The following CHRNB1 variants were observed in gnomAD, a reference collection of about 807,000 sequenced individuals.
CHRNB1 encodes acetylcholine receptor subunit beta.
Under a neutral mutation model 53.8 loss-of-function variants are expected in CHRNB1, and 47 were observed. The ratio of observed to expected loss-of-function variants is 0.87; its 90% CI spans 0.69 to 1.11. The LOEUF is 1.11. Ranked by LOEUF, CHRNB1 falls within the 50% of genes most tolerant of loss-of-function variation. CHRNB1 has a pLI of 0.00. For missense variants in CHRNB1, 605 were observed against 654.9 expected (o/e 0.92, Z 0.83); for synonymous variants, 259 against 263.5 (o/e 0.98, Z 0.16).
chr17:7,451,136 G>T (rs1908867829), intron 7 of CHRNB1, among the ~76,000 whole-genome samples: 2 of 152,042 alleles, frequency 1.3e-5, no homozygotes, highest in South Asian at 4.2e-4. Context: ...GGAAGGCCCA[G>T]AACCACTGAT....
intron 6 of CHRNB1, 138 bp downstream of exon 6, chr17:7,447,788 A>G (rs542777445): frequency 1.4e-4 from 151 of 1,099,790 alleles, no homozygotes; most frequent in Non-Finnish European, 1.9e-4. Context: ...TTTTAAAAGT[A>G]TGGAAATTGC....
At chr17:7,448,515 C>A (rs1025983473) in intron 6 of CHRNB1, 64 bp from the exon 7 acceptor site, 9 of 1,526,506 alleles carry the variant, frequency 5.9e-6, no homozygotes, top group African/African-American at 5.5e-5. Context: ...GCAGAGCAAG[C>A]CATACCTGGC....
At position 7,446,905 on chromosome 17, in the gene CHRNB1, G is replaced by A; in HGVS notation, c.316G>A (p.Glu106Lys). 1 of 1,608,690 alleles carries A rather than the reference G, an allele frequency of 6.2e-7. No homozygotes were observed. ...CATCGATTCGCTCCGCATCACGGCGGAATCCGTGTGGCTCCCTGACGTGGT... is the reference window on the plus strand; with the variant it reads ...CATCGATTCGCTCCGCATCACGGCGAAATCCGTGTGGCTCCCTGACGTGGT... ...DGIDSLRITA[E>K]SVWLPDVVLL... Residue 106 changes from glutamate to lysine, a missense_variant, in exon 4 of 11, where the codon GAA becomes AAA. Glu to Lys is a moderately conservative substitution (Grantham distance 56, BLOSUM62 1). Coordinates refer to ENST00000306071, the MANE Select transcript of CHRNB1 (RefSeq NM_000747.3).
chr17:7,449,075 C>A (rs571323665), intron 7 of CHRNB1, among the ~76,000 whole-genome samples: 1 of 151,984 alleles, frequency 6.6e-6, no homozygotes, highest in South Asian at 2.1e-4. Context: ...ACATTCCCTG[C>A]CCACTTTCAG....
At position 7,445,982 on chromosome 17, in the gene CHRNB1, C is replaced by T; in HGVS notation, c.199-87C>T. 8.5e-7 allele frequency: 1 copy of T among 1,181,440 alleles called. No individual in the cohort carries two copies. The highest frequency in any genetic ancestry group is 1.3e-6 in the Non-Finnish European group (1 of 787,518). 73.2% of individuals were successfully genotyped at this position (1,181,440 alleles called of 1,614,324 possible). A position where few individuals can be genotyped will look rare whatever the true frequency, so the allele number is the denominator to read the frequency against. ...GATGGGGCTCAGAAAAAGGGGGCGG[C>T]GTTCCCAGGAGAGAGGTTGGCCCCC... On this transcript the variant is annotated intron_variant, in intron 2 of 10. Coordinates refer to ENST00000306071, the MANE Select transcript of CHRNB1 (RefSeq NM_000747.3). This position sits in a 1 kb window ranked among gnomAD's most constrained non-coding sequence, Gnocchi z 5.7.
intron 4 of CHRNB1, 27 bp downstream of exon 4, chr17:7,446,969 G>A (rs1284192719): frequency 1.9e-6 from 3 of 1,608,414 alleles, no homozygotes; most frequent in Non-Finnish European, 1.7e-6. Flanking sequence ...AGCCCGGGAG[G>A]TGGCGCGGGG....
Position 7,455,394 on chromosome 17 carries a change from G to C in CHRNB1, c.1155G>C (p.Arg385=), listed in dbSNP as rs985214726. 6.2e-7 allele frequency: 1 copy of C among 1,614,170 alleles called. No individual in the cohort carries two copies. The highest frequency in any genetic ancestry group is 8.5e-7 in the Non-Finnish European group (1 of 1,180,034). The change falls in exon 9 of 11, where the codon CGG becomes CGC. Residue 385 remains arginine (R), a synonymous_variant. Transcript: ENST00000306071. The part of the protein sequence containing the change: ...HCSSPGSGWG[R]GTDEYFIRKP... Reference sequence around the variant, plus strand: ...CTTCTCCAGGAAGTGGCTGGGGTCGGGGAACAGATGAATATTTCATCCGGA... The same window carrying C: ...CTTCTCCAGGAAGTGGCTGGGGTCGCGGAACAGATGAATATTTCATCCGGA...
At position 7,447,572 on chromosome 17, in the gene CHRNB1, G is replaced by C. The variant is rs1475474681; in HGVS notation, c.532G>C (p.Glu178Gln). 1.2e-6 allele frequency: 2 copies of C among 1,614,066 alleles called. No homozygotes were observed. Among genetic ancestry groups the C allele is most frequent in the Admixed American group, 3.3e-5 (2 of 60,004 alleles). The change falls in exon 6 of 11, where the codon GAG becomes CAG. Residue 178 changes from glutamate to glutamine, a missense_variant. Coordinates refer to ENST00000306071, the MANE Select transcript of CHRNB1 (RefSeq NM_000747.3). ...VFSSYSYDSS[E>Q]VSLQTGLGPD... is the part of the protein sequence containing the mutation. Reference sequence around the variant, plus strand: ...CAGCTCCTACAGCTACGACAGCTCGGAGGTCAGCCTGCAGACAGGCCTGGG... The same window carrying C: ...CAGCTCCTACAGCTACGACAGCTCGCAGGTCAGCCTGCAGACAGGCCTGGG...
chr17:7,456,458 G>C (rs1781276883), intron 10 of CHRNB1, 125 bp from the exon 11 acceptor site: 2 of 1,237,492 alleles, frequency 1.6e-6, no homozygotes, highest in Admixed American at 3.4e-5. Context: ...TCTCCTGTTG[G>C]CGCTGCCGGC....
rs776540918 is a variant in CHRNB1 at position 7,446,942 on chromosome 17, AG to A, written c.353+1del. The A allele has an allele frequency of 6.7e-7, 1 of 1,501,276 alleles. No homozygotes were observed. The highest frequency in any genetic ancestry group is 1.1e-5 in the South Asian group (1 of 88,822). 93.0% of individuals were successfully genotyped at this position (1,501,276 alleles called of 1,614,324 possible). On this transcript the variant is annotated splice_donor_variant, in intron 4 of 10. Coordinates refer to ENST00000306071, the MANE Select transcript of CHRNB1 (RefSeq NM_000747.3). LOFTEE classifies it high-confidence loss of function. ...CTCCCTGACGTGGTGCTACTGAACA[AG>A]TAGGAGAACTTCCAAAGCCCGGGAG...
chr17:7,446,979 G>T lies in CHRNB1; in HGVS notation c.353+37G>T, dbSNP rs775883407. On this transcript the variant is annotated intron_variant, in intron 4 of 10. Coordinates refer to ENST00000306071, the MANE Select transcript of CHRNB1 (RefSeq NM_000747.3). ...TCCAAAGCCCGGGAGGTGGCGCGGG[G>T]CCTCGGGGGGCGGGGGGCCTCCGGG... 5.7e-6 allele frequency: 9 copies of T among 1,569,730 alleles called. No homozygotes were observed. In the South Asian group the frequency reaches 1.0e-4, roughly 17 times the overall value.
At chr17:7,456,466 G>A in intron 10 of CHRNB1, 117 bp from the exon 11 acceptor site, 1 of 1,333,424 alleles carries the variant, frequency 7.5e-7, no homozygotes, top group Non-Finnish European at 1.1e-6. Context: ...TGGCGCTGCC[G>A]GCTGTTGCCT....
Position 7,447,194 on chromosome 17 carries a change from T to C in CHRNB1, c.462+43T>C, listed in dbSNP as rs183537253. The C allele has an allele frequency of 9.2e-5, 140 of 1,518,298 alleles. 2 individuals are homozygous for C. The Admixed American group carries it at 2.3e-3, about 25-fold the overall frequency. The allele number at this position is 1,518,298 out of a possible 1,614,324, so 94.1% of individuals were successfully genotyped here. ...TGGAAGCTGAAGGAGCTCTTACAAATCCTCCCTTTCCTTAGACATCCTGAC... is the reference window on the plus strand; with the variant it reads ...TGGAAGCTGAAGGAGCTCTTACAAACCCTCCCTTTCCTTAGACATCCTGAC... On this transcript the variant is annotated intron_variant, in intron 5 of 10. Transcript: ENST00000306071.
rs1433289639 is a variant in CHRNB1, at chr17:7,454,156, T to G, written c.821-141T>G. The G allele has an allele frequency of 1.7e-5, 13 of 760,706 alleles. 1 individual carries two copies. Among genetic ancestry groups the G allele is most frequent in the Non-Finnish European group, 2.7e-5 (12 of 438,952 alleles). 47.1% of individuals were successfully genotyped at this position (760,706 alleles called of 1,614,324 possible). ...ATCCTCCCACCTTGGCCTCCCAAAG[T>G]GCCAGGACTACAGGTGTGAACCACT... On this transcript the variant is annotated intron_variant, in intron 7 of 10. Coordinates refer to ENST00000306071, the MANE Select transcript of CHRNB1 (RefSeq NM_000747.3).
At position 7,448,727 on chromosome 17, in the gene CHRNB1, T is replaced by G; in HGVS notation, c.759T>G (p.Ile253Met). Residue 253 changes from isoleucine (I) to methionine (M), a missense_variant, in exon 7 of 11, where the codon ATT (isoleucine) becomes ATG (methionine). Coordinates refer to ENST00000306071, the MANE Select transcript of CHRNB1 (RefSeq NM_000747.3). ...RKPLFYLVNVIAPCILITLLA... is the reference protein window; with the variant it reads ...RKPLFYLVNVMAPCILITLLA... ...CTCTCTTCTACCTGGTCAACGTCAT[T>G]GCCCCATGCATCCTCATCACTCTTC... 1.2e-6 allele frequency: 2 copies of G among 1,614,238 alleles called. No individual in the cohort carries two copies. Among genetic ancestry groups the G allele is most frequent in the Non-Finnish European group, 1.7e-6 (2 of 1,180,046 alleles).
intron 7 of CHRNB1, among the ~76,000 whole-genome samples, chr17:7,450,161 C>T (rs1357119842): frequency 1.7e-4 from 20 of 120,612 alleles, no homozygotes; most frequent in East Asian, 2.5e-4. Flanking sequence ...TTTTTTTTTT[C>T]GAGACAGAGT....
chr17:7,456,706 C>T lies in CHRNB1; in HGVS notation c.1489C>T (p.Pro497Ser). ...FLDATYHLPP[P>S]DPFP ...GGACGCCACGTACCACTTGCCCCCT[C>T]CAGACCCCTTTCCTTGAAGACTGGA... The change falls in exon 11 of 11, where the codon CCA (proline) becomes TCA (serine). Residue 497 changes from proline (P) to serine (S), a missense_variant. Coordinates refer to ENST00000306071, the MANE Select transcript of CHRNB1 (RefSeq NM_000747.3). 6.2e-7 allele frequency: 1 copy of T among 1,614,192 alleles called. No homozygotes were observed. Among genetic ancestry groups the T allele is most frequent in the South Asian group, 1.1e-5 (1 of 91,078 alleles).
chr17:7,445,665 G>T lies in CHRNB1; in HGVS notation c.198+256G>T, dbSNP rs1908575909. On this transcript the variant is annotated intron_variant, in intron 2 of 10. Coordinates refer to ENST00000306071, the MANE Select transcript of CHRNB1 (RefSeq NM_000747.3). This position sits in a 1 kb window ranked among gnomAD's most constrained non-coding sequence, Gnocchi z 5.7. Reference sequence around the variant, plus strand: ...CGGACCTTAAAGTGGGGCTGGGGACGAGGCAGGGGCTGGGGGACGGACCTC... The same window carrying T: ...CGGACCTTAAAGTGGGGCTGGGGACTAGGCAGGGGCTGGGGGACGGACCTC... 1 of 1,358,986 alleles carries T rather than the reference G, an allele frequency of 7.4e-7. No individual in the cohort carries two copies. Among genetic ancestry groups the T allele is most frequent in the Non-Finnish European group, 9.7e-7 (1 of 1,031,572 alleles). 84.2% of individuals were successfully genotyped at this position (1,358,986 alleles called of 1,614,324 possible).
At position 7,455,416 on chromosome 17, in the gene CHRNB1, C is replaced by G. The variant is rs2069939028; in HGVS notation, c.1177C>G (p.Arg393Gly). The G allele has an allele frequency of 6.2e-7, 1 of 1,614,016 alleles. No homozygotes were observed. Among genetic ancestry groups the G allele is most frequent in the Admixed American group, 1.7e-5 (1 of 59,980 alleles). The change falls in exon 9 of 11, where the codon CGG becomes GGG. Residue 393 changes from arginine to glycine, a missense_variant. Arg to Gly is a moderately radical substitution (Grantham distance 125). Coordinates refer to ENST00000306071, the MANE Select transcript of CHRNB1 (RefSeq NM_000747.3). Reference protein sequence around the residue: ...WGRGTDEYFIRKPPSDFLFPK... With the variant: ...WGRGTDEYFIGKPPSDFLFPK... ...TCGGGGAACAGATGAATATTTCATC[C>G]GGAAGCCGCCAAGTGATTTTCTCTT... is the stretch of plus-strand genomic sequence containing the variant.
Sources: gnomAD v4.1 joint callset for allele counts (sites outside exome capture counted in the v4.1 genomes callset) on GRCh38, gnomAD v4.1.1 for gene constraint, Gnocchi (gnomAD v3.1) non-coding constraint, MANE v1.5 for transcripts, NCBI Gene and HGNC (gene_info 2026-07-23, HGNC 2026-07-21) for gene names.